SMIM36: variants seen among roughly 807,000 people sequenced by gnomAD.
SMIM36 encodes the protein small integral membrane protein 36.
At chr17:55,505,606 C>G (rs1359272324) in intron 1 of SMIM36, among the ~76,000 whole-genome samples, 1 of 67,976 alleles carries the variant, frequency 1.5e-5, no homozygotes, top group African/African-American at 1.8e-4. Flanking sequence ...ATGACAAACC[C>G]ACAGCCAATA....
intron 1 of SMIM36, among the ~76,000 whole-genome samples, chr17:55,491,418 G>A (rs1193012827): frequency 6.6e-6 from 1 of 151,950 alleles, no homozygotes; most frequent in Non-Finnish European, 1.5e-5. Context: ...CTTAACAAAT[G>A]TGTATTAATT....
chr17:55,485,995 T>C (rs1398236311), intron 1 of SMIM36, among the ~76,000 whole-genome samples: 1 of 151,822 alleles, frequency 6.6e-6, no homozygotes, highest in Non-Finnish European at 1.5e-5. Flanking sequence ...TGAATTGAGA[T>C]GAAGAAAAGA....
intron 4 of SMIM36, among the ~76,000 whole-genome samples, chr17:55,460,390 T>C (rs895167140): frequency 2.0e-5 from 3 of 150,118 alleles, no homozygotes; most frequent in Non-Finnish European, 4.4e-5. Context: ...ATTGTGCCAC[T>C]GCATTCCAGC....
exon 5 of SMIM36, chr17:55,450,004 A>C (rs1034516531): frequency 6.6e-6 from 1 of 152,242 alleles, no homozygotes; most frequent in African/African-American, 2.4e-5. Flanking sequence ...AATATTGAAC[A>C]TGACTTTATA....
chr17:55,520,132 G>A, the SMIM36 span, among the ~76,000 whole-genome samples: 1 of 152,200 alleles, frequency 6.6e-6, no homozygotes, highest in South Asian at 2.1e-4. Flanking sequence ...AATCGTCAAA[G>A]CCAGCATCTT....
chr17:55,489,867 T>TC (rs113030677), intron 1 of SMIM36, among the ~76,000 whole-genome samples: 2 of 151,634 alleles, frequency 1.3e-5, no homozygotes, highest in African/African-American at 4.8e-5. Context: ...TTTGTTTTTT[T>TC]TTACAGAATC....
chr17:55,456,862 C>T (rs1007785683), intron 4 of SMIM36, among the ~76,000 whole-genome samples: 2 of 152,288 alleles, frequency 1.3e-5, no homozygotes, highest in South Asian at 4.1e-4. Flanking sequence ...CTCATGTCAA[C>T]ACATTAAAAA....
the SMIM36 span, among the ~76,000 whole-genome samples, chr17:55,520,478 C>T: frequency 6.6e-6 from 1 of 152,124 alleles, no homozygotes; most frequent in Non-Finnish European, 1.5e-5. Flanking sequence ...TACTCTTGCA[C>T]TTTGGGGCTA....
intron 1 of SMIM36, among the ~76,000 whole-genome samples, chr17:55,489,530 C>T (rs971598501): frequency 2.0e-5 from 3 of 152,176 alleles, no homozygotes; most frequent in Non-Finnish European, 4.4e-5. Flanking sequence ...CATATAAAAA[C>T]ATAAAGTGTG....
At chr17:55,485,444 C>T (rs932311713) in intron 1 of SMIM36, among the ~76,000 whole-genome samples, 2 of 132,198 alleles carry the variant, frequency 1.5e-5, no homozygotes, top group South Asian at 4.8e-4. Context: ...TTCCACCATA[C>T]CCTGCTGATT....
rs369011974 is a variant in SMIM36 at position 55,468,706 on chromosome 17, T to G, written c.*348-1378A>C. ...CGTGTCTCTACCTTTCTCTTTAAAC[T>G]TACCTCCTTACTATGGGCAAACTTC... is the stretch of plus-strand genomic sequence containing the variant. On this transcript the variant is annotated intron_variant, in intron 3 of 4. Transcript: ENST00000636752. Among the ~76,000 whole-genome samples the G allele has an allele frequency of 2.6e-4, 39 of 152,246 alleles. 1 individual carries two copies. In the East Asian group the frequency reaches 3.5e-3, roughly 14 times the overall value.
chr17:55,510,989 G>A (rs768016398), exon 1 of SMIM36: 6 of 397,532 alleles, frequency 1.5e-5, no homozygotes, highest in Non-Finnish European at 2.2e-5. Flanking sequence ...TTGGAGCCAC[G>A]ATAGGGAGCA....
At chr17:55,492,085 GGAGGCAGAGCTTGCAGTGAGCTGA>G (rs1310838325) in intron 1 of SMIM36, among the ~76,000 whole-genome samples, 1 of 151,504 alleles carries the variant, frequency 6.6e-6, no homozygotes, top group Non-Finnish European at 1.5e-5. Context: ...CGTGAACCAG[GGAGGCAGAGCTTGCAGTGAGCTGA>G]GATGCTGTCA....
chr17:55,466,476 A>G (rs77087058), intron 4 of SMIM36, among the ~76,000 whole-genome samples: 12,295 of 152,110 alleles, frequency 0.081, 536 homozygotes, highest in South Asian at 0.14. Flanking sequence ...GTAGGACAAA[A>G]GAAGTTACAA....
chr17:55,514,612 T>C (rs1435969086), upstream of SMIM36, among the ~76,000 whole-genome samples: 1 of 152,198 alleles, frequency 6.6e-6, no homozygotes, highest in African/African-American at 2.4e-5. Context: ...AACAGGTACA[T>C]GCATAACTTA....
At chr17:55,517,925 C>G in the SMIM36 span, among the ~76,000 whole-genome samples, 1 of 152,132 alleles carries the variant, frequency 6.6e-6, no homozygotes, top group Non-Finnish European at 1.5e-5. Context: ...AGTATCCCAA[C>G]ATCTAAATGT....
intron 1 of SMIM36, among the ~76,000 whole-genome samples, chr17:55,486,019 CTTTTTTTTTTTTCCTTTATTCT>C (rs1490842783): frequency 1.4e-5 from 2 of 142,554 alleles, no homozygotes; most frequent in African/African-American, 2.6e-5. Flanking sequence ...AAAGAGCTTT[CTTTTTTTTTTTTCCTTTATTCT>C]TTTTTTTTTT....
intron 3 of SMIM36, among the ~76,000 whole-genome samples, chr17:55,471,030 C>T (rs534161060): frequency 3.9e-5 from 6 of 152,220 alleles, no homozygotes; most frequent in East Asian, 1.9e-4. Flanking sequence ...GTGCCAAATC[C>T]GTACACCCTC....
chr17:55,473,588 C>T (rs970455538), intron 3 of SMIM36, among the ~76,000 whole-genome samples: 2 of 152,124 alleles, frequency 1.3e-5, no homozygotes, highest in East Asian at 3.9e-4. Flanking sequence ...CGTCCTCAAT[C>T]CTCAGGAAAG....
Sources: allele counts gnomAD v4.1 joint callset (sites outside exome capture counted in the v4.1 genomes callset), GRCh38; gene constraint gnomAD v4.1.1; transcripts MANE v1.5; gene names NCBI Gene and HGNC (gene_info 2026-07-23, HGNC 2026-07-21).